RALYL: variants seen among roughly 807,000 people sequenced by gnomAD.
RALYL encodes RNA-binding Raly-like protein.
A neutral mutation model predicts 35.1 loss-of-function variants in RALYL; 29 were observed. That is an observed-to-expected ratio of 0.83 (90% CI 0.61 to 1.13). The LOEUF (loss-of-function observed/expected upper bound fraction) is 1.13. Among genes scored for constraint, RALYL ranks in the 50% most tolerant of loss-of-function variants. RALYL has a pLI of 0.00. For missense variants in RALYL, 359 were observed against 360.4 expected (o/e 1.00, Z 0.03); for synonymous variants, 120 against 127.6 (o/e 0.94, Z 0.40).
chr8:84,668,827 G>C (rs1333043121), intron 2 of RALYL, among the ~76,000 whole-genome samples: 3 of 152,032 alleles, frequency 2.0e-5, no homozygotes, highest in Non-Finnish European at 4.4e-5. Flanking sequence ...GATATTAAAG[G>C]ATTTTTTTAA....
At chr8:84,736,651 C>T (rs1410040754) in intron 2 of RALYL, among the ~76,000 whole-genome samples, 2 of 151,952 alleles carry the variant, frequency 1.3e-5, no homozygotes, top group Non-Finnish European at 2.9e-5. Context: ...ATTTGAAATG[C>T]TTAGAGGTCT....
chr8:84,374,389 C>T (rs1002820047), intron 1 of RALYL, among the ~76,000 whole-genome samples: 1 of 151,900 alleles, frequency 6.6e-6, no homozygotes, highest in Non-Finnish European at 1.5e-5. Context: ...CCATCAATAA[C>T]TATTTTACTG....
intron 1 of RALYL, among the ~76,000 whole-genome samples, chr8:84,222,610 T>C (rs1004600583): frequency 6.6e-6 from 1 of 152,150 alleles, no homozygotes; most frequent in Admixed American, 6.6e-5. Flanking sequence ...GGCACATGAC[T>C]GCCTGTACCA....
At chr8:84,261,005 A>G (rs1008200284) in intron 1 of RALYL, among the ~76,000 whole-genome samples, 1 of 152,092 alleles carries the variant, frequency 6.6e-6, no homozygotes, top group Non-Finnish European at 1.5e-5. Flanking sequence ...TTTATGATCT[A>G]TATATTTATT....
chr8:84,792,088 C>A (rs1225951397), intron 3 of RALYL, among the ~76,000 whole-genome samples: 1 of 152,260 alleles, frequency 6.6e-6, no homozygotes, highest in African/African-American at 2.4e-5. Context: ...ACTCCCAAAG[C>A]CCAAGTGGAC....
intron 2 of RALYL, among the ~76,000 whole-genome samples, chr8:84,616,557 A>T (rs1170419743): frequency 6.7e-6 from 1 of 148,624 alleles, no homozygotes; most frequent in African/African-American, 2.5e-5. Context: ...GTTCACTCTG[A>T]TGGTAGTTTC....
At chr8:84,540,988 G>A (rs1326026952) in intron 2 of RALYL, among the ~76,000 whole-genome samples, 7 of 151,736 alleles carry the variant, frequency 4.6e-5, no homozygotes, top group Admixed American at 3.9e-4. Context: ...TTTTTAATCA[G>A]AATAGTGATA....
At chr8:84,384,731 G>A (rs551046382) in intron 1 of RALYL, among the ~76,000 whole-genome samples, 3 of 151,580 alleles carry the variant, frequency 2.0e-5, no homozygotes, top group South Asian at 2.1e-4. Context: ...ACCATCCTTC[G>A]CTCTGTGGAT....
rs137978414 is a variant in RALYL at position 84,708,950 on chromosome 8, A to G, written c.257-65629A>G. Among the ~76,000 whole-genome samples, 8 of 152,326 alleles carry G rather than the reference A, an allele frequency of 5.3e-5. No homozygotes were observed. The East Asian group carries it at 1.2e-3, about 22-fold the overall frequency. ...GAAAACAGTGTGAATCGAGTTTCAGATATGTAACATTTCATCTTATTTTAC... is the reference window on the plus strand; with the variant it reads ...GAAAACAGTGTGAATCGAGTTTCAGGTATGTAACATTTCATCTTATTTTAC... On this transcript the variant is annotated intron_variant, in intron 2 of 8. Transcript: ENST00000521268.
intron 1 of RALYL, among the ~76,000 whole-genome samples, chr8:84,246,968 A>G (rs1829230680): frequency 6.6e-6 from 1 of 152,146 alleles, no homozygotes; most frequent in Non-Finnish European, 1.5e-5. Context: ...CTATGTCCAG[A>G]TCCTAGCTTT....
At chr8:84,700,576 A>G (rs1234928648) in intron 2 of RALYL, among the ~76,000 whole-genome samples, 1 of 152,168 alleles carries the variant, frequency 6.6e-6, no homozygotes, top group South Asian at 2.1e-4. Context: ...ATTTGAACCA[A>G]TACCACAAAT....
Position 84,653,627 on chromosome 8 carries a change from A to C in RALYL, c.257-120952A>C, listed in dbSNP as rs1409766584. ...TAGAGATCTCTGATTAATTAAATTT[A>C]AACAGCAAAAGCCCCATTACCACAC... On this transcript the variant is annotated intron_variant, in intron 2 of 8. Transcript: ENST00000521268. 3.9e-5 allele frequency among the ~76,000 whole-genome samples: 6 copies of C among 152,112 alleles called. No homozygotes were observed. In the East Asian group the frequency reaches 1.2e-3, roughly 30 times the overall value.
intron 1 of RALYL, among the ~76,000 whole-genome samples, chr8:84,516,442 C>T (rs1268660864): frequency 2.0e-5 from 3 of 151,682 alleles, no homozygotes; most frequent in South Asian, 2.1e-4. Context: ...CTTTGTGGCT[C>T]GTTTTTAGAG....
At chr8:84,844,188 A>C (rs1834074881) in intron 4 of RALYL, among the ~76,000 whole-genome samples, 1 of 152,222 alleles carries the variant, frequency 6.6e-6, no homozygotes, top group East Asian at 1.9e-4. Context: ...GGCAACCTAC[A>C]GAATGGGAGA....
intron 1 of RALYL, among the ~76,000 whole-genome samples, chr8:84,336,691 A>G (rs1262778156): frequency 1.3e-5 from 2 of 152,108 alleles, no homozygotes; most frequent in African/African-American, 4.8e-5. Flanking sequence ...AGAAGTTCCA[A>G]AGAAACAAGC....
At chr8:84,771,223 T>C (rs974549310) in intron 2 of RALYL, among the ~76,000 whole-genome samples, 1 of 152,100 alleles carries the variant, frequency 6.6e-6, no homozygotes, top group Non-Finnish European at 1.5e-5. Flanking sequence ...ATTTTCTCTC[T>C]CTCTCTCTGT....
rs1242894059 is a variant in RALYL, at chr8:84,582,971, A to C, written c.256+53394A>C. On this transcript the variant is annotated intron_variant, in intron 2 of 8. Coordinates refer to ENST00000521268, the MANE Select transcript of RALYL (RefSeq NM_173848.7). ...TACTGATTTAAATTCCTTTATTCTTAAGTAATCAATAACATTCTTGACTTA... is the reference window on the plus strand; with the variant it reads ...TACTGATTTAAATTCCTTTATTCTTCAGTAATCAATAACATTCTTGACTTA... Among the ~76,000 whole-genome samples the C allele has an allele frequency of 5.3e-5, 8 of 152,224 alleles. No homozygotes were observed. In the South Asian group the frequency reaches 1.2e-3, roughly 24 times the overall value.
intron 2 of RALYL, among the ~76,000 whole-genome samples, chr8:84,701,811 G>A (rs1009689613): frequency 6.6e-6 from 1 of 152,266 alleles, no homozygotes; most frequent in African/African-American, 2.4e-5. Flanking sequence ...CCTCCTAGAA[G>A]GTAGTTTAGC....
At chr8:84,752,461 A>T (rs185235069) in intron 2 of RALYL, among the ~76,000 whole-genome samples, 5 of 152,320 alleles carry the variant, frequency 3.3e-5, no homozygotes, top group Admixed American at 2.0e-4. Context: ...CAGTGGAGGA[A>T]TTCAAGCAGG....
Sources: gnomAD v4.1 joint callset for allele counts (sites outside exome capture counted in the v4.1 genomes callset) on GRCh38, gnomAD v4.1.1 for gene constraint, MANE v1.5 for transcripts, NCBI Gene and HGNC (gene_info 2026-07-23, HGNC 2026-07-21) for gene names.